The following SUCLG2 variants were observed in gnomAD, a reference collection of about 807,000 sequenced individuals.
SUCLG2 encodes succinate-CoA ligase GDP-forming subunit beta.
SUCLG2 carries 42 observed loss-of-function variants against 47.9 expected under a neutral mutation model. The ratio of observed to expected loss-of-function variants is 0.88; its 90% CI spans 0.69 to 1.14. SUCLG2 has a LOEUF of 1.14. Ranked by LOEUF, SUCLG2 falls within the 50% of genes most tolerant of loss-of-function variation. The pLI is 0.00. For missense variants in SUCLG2, 571 were observed against 525.9 expected (o/e 1.09, Z -0.84); for synonymous variants, 195 against 197.3 (o/e 0.99, Z 0.10).
intron 2 of SUCLG2, among the ~76,000 whole-genome samples, chr3:67,591,363 G>A (rs147786172): frequency 6.6e-6 from 1 of 152,324 alleles, no homozygotes; most frequent in Non-Finnish European, 1.5e-5. Context: ...AATGGACTGA[G>A]ATTGAAAAAG....
At chr3:67,472,162 C>T (rs1488620443) in intron 9 of SUCLG2, among the ~76,000 whole-genome samples, 1 of 152,160 alleles carries the variant, frequency 6.6e-6, no homozygotes, top group Non-Finnish European at 1.5e-5. Context: ...CAAACAACTT[C>T]TTTCTTGGAC....
chr3:67,515,736 G>T (rs1705926852), intron 6 of SUCLG2, among the ~76,000 whole-genome samples: 1 of 152,054 alleles, frequency 6.6e-6, no homozygotes, highest in Admixed American at 6.6e-5. Context: ...TGTCCCATCT[G>T]CTCATTGTAC....
At chr3:67,525,372 G>C (rs1706228049) in intron 4 of SUCLG2, among the ~76,000 whole-genome samples, 1 of 152,146 alleles carries the variant, frequency 6.6e-6, no homozygotes, top group Non-Finnish European at 1.5e-5. Flanking sequence ...CTCAATTTCA[G>C]AATTTATATA....
At chr3:67,370,368 A>T (rs1297268020), downstream of SUCLG2, among the ~76,000 whole-genome samples, 1 of 152,212 alleles carries the variant, frequency 6.6e-6, no homozygotes, top group Non-Finnish European at 1.5e-5. Context: ...CTTTTAAAAA[A>T]ATAATAGATT....
intron 1 of SUCLG2, among the ~76,000 whole-genome samples, chr3:67,620,847 A>T (rs1053380943): frequency 1.3e-5 from 2 of 152,154 alleles, no homozygotes; most frequent in Non-Finnish European, 2.9e-5. Context: ...GGAGCATGAA[A>T]ATGCCAGCAG....
rs577691533 is a variant in SUCLG2 at position 67,490,710 on chromosome 3, A to G, written c.1062+5088T>C. Among the ~76,000 whole-genome samples, 13 of 152,332 alleles carry G rather than the reference A, an allele frequency of 8.5e-5. No homozygotes were observed. The South Asian group carries it at 2.5e-3, about 29-fold the overall frequency. ...AATATAAAAAGCCAAAGTTTTCACT[A>G]TGCTTTAGAAAGGTTTGCAAGTTGG... On this transcript the variant is annotated intron_variant, in intron 9 of 10. Transcript: ENST00000307227.
intron 1 of SUCLG2, among the ~76,000 whole-genome samples, chr3:67,626,966 C>T (rs56411806): frequency 0.064 from 8,916 of 140,026 alleles, 407 homozygotes; most frequent in African/African-American, 0.13. Context: ...CGTGAGAGGA[C>T]AGTATATGTA....
intron 9 of SUCLG2, among the ~76,000 whole-genome samples, chr3:67,481,614 A>G (rs1490516750): frequency 6.6e-6 from 1 of 152,200 alleles, no homozygotes; most frequent in Non-Finnish European, 1.5e-5. Context: ...CTGATTAGTA[A>G]GCCTTCACAG....
chr3:67,426,587 T>C (rs1703306268), intron 9 of SUCLG2, among the ~76,000 whole-genome samples: 1 of 152,134 alleles, frequency 6.6e-6, no homozygotes, highest in Non-Finnish European at 1.5e-5. Context: ...AATGTCTCAT[T>C]TATAAATACT....
At chr3:67,399,468 C>A (rs1399692880) in intron 10 of SUCLG2, among the ~76,000 whole-genome samples, 1 of 152,182 alleles carries the variant, frequency 6.6e-6, no homozygotes, top group Non-Finnish European at 1.5e-5. Flanking sequence ...TCTGTCCCAT[C>A]AAGGAAAACA....
chr3:67,523,559 A>G (rs1706177125), intron 4 of SUCLG2, among the ~76,000 whole-genome samples: 1 of 152,220 alleles, frequency 6.6e-6, no homozygotes, highest in African/African-American at 2.4e-5. Context: ...ACTTAGCCCT[A>G]TTCTTTCCTT....
intron 10 of SUCLG2, among the ~76,000 whole-genome samples, chr3:67,382,022 C>T (rs1702169628): frequency 1.3e-5 from 2 of 152,100 alleles, no homozygotes; most frequent in African/African-American, 4.8e-5. Context: ...TATCATAAGG[C>T]TGTGAAGAAA....
chr3:67,371,013 G>T (rs1425783759), downstream of SUCLG2, among the ~76,000 whole-genome samples: 1 of 152,088 alleles, frequency 6.6e-6, no homozygotes, highest in African/African-American at 2.4e-5. Flanking sequence ...ATATTAAAAG[G>T]TAATTGAAAA....
intron 9 of SUCLG2, among the ~76,000 whole-genome samples, chr3:67,416,928 C>T (rs1254085790): frequency 6.6e-6 from 1 of 152,026 alleles, no homozygotes; most frequent in African/African-American, 2.4e-5. Context: ...TGTACTTCGG[C>T]ATGGAGAAGG....
intron 9 of SUCLG2, among the ~76,000 whole-genome samples, chr3:67,480,079 T>G (rs1290355778): frequency 6.6e-6 from 1 of 152,050 alleles, no homozygotes; most frequent in Non-Finnish European, 1.5e-5. Flanking sequence ...AAATAAGTGT[T>G]AACAGAGGTG....
intron 10 of SUCLG2, among the ~76,000 whole-genome samples, chr3:67,391,341 G>A (rs1270832004): frequency 1.3e-5 from 2 of 152,016 alleles, no homozygotes; most frequent in South Asian, 4.1e-4. Context: ...TACAAATCGT[G>A]TCCTTCTTAG....
intron 1 of SUCLG2, among the ~76,000 whole-genome samples, chr3:67,644,334 C>T (rs1359854980): frequency 6.6e-6 from 1 of 152,154 alleles, no homozygotes; most frequent in Non-Finnish European, 1.5e-5. Flanking sequence ...TGCTGCAACA[C>T]AGATGAACTT....
chr3:67,396,441 T>C (rs992543698), intron 10 of SUCLG2, among the ~76,000 whole-genome samples: 3 of 151,968 alleles, frequency 2.0e-5, no homozygotes, highest in African/African-American at 4.8e-5. Flanking sequence ...ATAAATTCCT[T>C]GACACATACA....
intron 9 of SUCLG2, among the ~76,000 whole-genome samples, chr3:67,491,012 A>G (rs1038162814): frequency 3.9e-5 from 6 of 152,084 alleles, no homozygotes; most frequent in African/African-American, 1.4e-4. Flanking sequence ...GGTAAAACAA[A>G]TCTGTGATAT....
Sources: allele counts gnomAD v4.1 joint callset (sites outside exome capture counted in the v4.1 genomes callset), GRCh38; gene constraint gnomAD v4.1.1; transcripts MANE v1.5; gene names NCBI Gene and HGNC (gene_info 2026-07-23, HGNC 2026-07-21).